The following AHI1 variants were observed in gnomAD, a reference collection of about 807,000 sequenced individuals.
AHI1 encodes Abelson helper integration site 1.
Under a neutral mutation model 149.3 loss-of-function variants are expected in AHI1, and 123 were observed. The ratio of observed to expected loss-of-function variants is 0.82; its 90% CI spans 0.71 to 0.96. AHI1 has a LOEUF of 0.96. Ranked by LOEUF, AHI1 falls within the 40% of genes least tolerant of loss-of-function variation. The probability of loss-of-function intolerance (pLI) is 0.00; values close to 1 mark genes in which losing one functional copy is unlikely to be tolerated. For missense variants in AHI1, 1,439 were observed against 1,422.7 expected (o/e 1.01, Z -0.18); for synonymous variants, 475 against 459.8 (o/e 1.03, Z -0.42).
At chr6:135,351,547 A>G (rs1792113203) in intron 24 of AHI1, among the ~76,000 whole-genome samples, 1 of 152,214 alleles carries the variant, frequency 6.6e-6, no homozygotes, top group Admixed American at 6.5e-5. Context: ...TTCTGGAATC[A>G]GTGTTCTTTA....
chr6:135,447,228 T>C, intron 12 of AHI1, 68 bp from the exon 13 acceptor site: 1 of 1,085,710 alleles, frequency 9.2e-7, no homozygotes. Flanking sequence ...AGCATATAGT[T>C]TTTAAAATAC....
rs1251944469 is a variant in AHI1 at position 135,455,815 on chromosome 6, T to C, written c.1263A>G (p.Glu421=). The change falls in exon 10 of 29, where the codon GAA becomes GAG. Residue 421 remains glutamate (E), a synonymous_variant. Transcript: ENST00000265602. ...KQLKSRLPEW[E]EQIVFNENFP... is the part of the protein sequence containing the mutation. Reference sequence around the variant, plus strand: ...AATTTTCATTAAATACAATTTGTTCTTCCCACTCTGGAAGTCTTGATTTTA... The same window carrying C: ...AATTTTCATTAAATACAATTTGTTCCTCCCACTCTGGAAGTCTTGATTTTA... The C allele has an allele frequency of 6.2e-7, 1 of 1,601,522 alleles. No individual in the cohort carries two copies. Among genetic ancestry groups the C allele is most frequent in the Non-Finnish European group, 8.5e-7 (1 of 1,172,978 alleles).
At chr6:135,387,955 G>C (rs760210121) in intron 23 of AHI1, 74 of 1,613,304 alleles carry the variant, frequency 4.6e-5, no homozygotes, top group Non-Finnish European at 5.6e-5. Context: ...GGTCGGCTCA[G>C]TTCTTCTGGC....
intron 23 of AHI1, among the ~76,000 whole-genome samples, chr6:135,373,139 A>G (rs1775319234): frequency 6.6e-6 from 1 of 152,238 alleles, no homozygotes; most frequent in Admixed American, 6.5e-5. Context: ...GCAAAACTGA[A>G]ATGTTTTACA....
intron 23 of AHI1, among the ~76,000 whole-genome samples, chr6:135,370,540 C>A (rs1490109351): frequency 6.6e-6 from 1 of 152,178 alleles, no homozygotes; most frequent in African/African-American, 2.4e-5. Flanking sequence ...TTATAGAAGG[C>A]TTGCTCCTCT....
intron 5 of AHI1, among the ~76,000 whole-genome samples, chr6:135,477,024 G>A (rs1019133781): frequency 6.7e-6 from 1 of 150,016 alleles, no homozygotes; most frequent in Non-Finnish European, 1.5e-5. Flanking sequence ...TTTGTTTTTT[G>A]TCTCTTTGTC....
chr6:135,306,283 A>T (rs768948372), intron 26 of AHI1, among the ~76,000 whole-genome samples: 10 of 152,220 alleles, frequency 6.6e-5, no homozygotes, highest in Non-Finnish European at 1.2e-4. Context: ...CAAAAGCACA[A>T]CTGGAGAGGT....
chr6:135,462,368 G>T (rs1295402050), intron 8 of AHI1, among the ~76,000 whole-genome samples: 1 of 152,034 alleles, frequency 6.6e-6, no homozygotes, highest in African/African-American at 2.4e-5. Context: ...AAGGCAAAGA[G>T]AAAAGTTGAG....
chr6:135,476,143 T>C (rs1045104667), intron 5 of AHI1, among the ~76,000 whole-genome samples: 1 of 152,202 alleles, frequency 6.6e-6, no homozygotes, highest in African/African-American at 2.4e-5. Context: ...AATTTTGATA[T>C]GCTGTAATTT....
intron 10 of AHI1, 107 bp from the exon 11 acceptor site, chr6:135,453,543 C>A (rs1033281315): frequency 3.8e-6 from 3 of 793,022 alleles, no homozygotes; most frequent in Admixed American, 2.9e-5. Flanking sequence ...AAAACATTAA[C>A]CTTTACAGGG....
intron 24 of AHI1, among the ~76,000 whole-genome samples, chr6:135,346,256 G>A (rs973762860): frequency 1.3e-5 from 2 of 152,020 alleles, no homozygotes; most frequent in Non-Finnish European, 2.9e-5. Context: ...GTGCAGTGGC[G>A]CGATCTTGGC....
At chr6:135,481,930 G>T (rs962605757) in intron 5 of AHI1, among the ~76,000 whole-genome samples, 4 of 151,176 alleles carry the variant, frequency 2.6e-5, no homozygotes, top group Non-Finnish European at 5.9e-5. Context: ...AGCTAGAATA[G>T]TTTCTGATGA....
intron 20 of AHI1, among the ~76,000 whole-genome samples, chr6:135,417,815 C>A (rs971857053): frequency 1.3e-5 from 2 of 151,920 alleles, no homozygotes; most frequent in African/African-American, 4.8e-5. Context: ...AAACAGAAGC[C>A]GTTCAGAAGT....
intron 22 of AHI1, among the ~76,000 whole-genome samples, chr6:135,396,151 G>A (rs1251773508): frequency 6.6e-6 from 1 of 151,750 alleles, no homozygotes; most frequent in Non-Finnish European, 1.5e-5. Flanking sequence ...AAACTATTAT[G>A]TCATCTCAAT....
intron 20 of AHI1, among the ~76,000 whole-genome samples, chr6:135,412,650 A>C (rs1224676350): frequency 1.3e-5 from 2 of 152,232 alleles, no homozygotes; most frequent in South Asian, 2.1e-4. Flanking sequence ...ATCATTTAAA[A>C]CACATGAACT....
At chr6:135,490,780 T>G (rs202180900) in intron 4 of AHI1, 33 bp from the exon 5 acceptor site, 3 of 1,608,680 alleles carry the variant, frequency 1.9e-6, no homozygotes, top group Non-Finnish European at 2.5e-6. Flanking sequence ...ATTTTGTAAA[T>G]GACTCTATCA....
At chr6:135,443,186 T>G (rs1786597167) in intron 13 of AHI1, among the ~76,000 whole-genome samples, 1 of 152,342 alleles carries the variant, frequency 6.6e-6, no homozygotes, top group South Asian at 2.1e-4. Flanking sequence ...TCACCTTTTG[T>G]GGCTGCCTTC....
chr6:135,430,830 A>G (rs1784544619), intron 17 of AHI1, among the ~76,000 whole-genome samples: 1 of 152,008 alleles, frequency 6.6e-6, no homozygotes, highest in Non-Finnish European at 1.5e-5. Flanking sequence ...AAATACTGAG[A>G]ACACTGTTTT....
At chr6:135,323,032 GA>G in intron 25 of AHI1, 129 bp downstream of exon 25, 1 of 983,266 alleles carries the variant, frequency 1.0e-6, no homozygotes, top group African/African-American at 1.6e-5. Context: ...TCATGAGAAT[GA>G]AAAACAATAC....
Sources: gnomAD v4.1 joint callset for allele counts (sites outside exome capture counted in the v4.1 genomes callset) on GRCh38, gnomAD v4.1.1 for gene constraint, MANE v1.5 for transcripts, NCBI Gene and HGNC (gene_info 2026-07-23, HGNC 2026-07-21) for gene names.